Variants in CARMIL1 observed in about 807,000 individuals in gnomAD.
The protein encoded by CARMIL1 is capping protein regulator and myosin 1 linker 1, also known as F-actin-uncapping protein LRRC16A.
Under a neutral mutation model 177.1 loss-of-function variants are expected in CARMIL1, and 90 were observed. The ratio of observed to expected loss-of-function variants is 0.51; its 90% CI spans 0.43 to 0.61. The LOEUF is 0.61. CARMIL1 is among the 20% of genes least tolerant of loss of function. The pLI is 0.00. For missense variants in CARMIL1, 1,380 were observed against 1,667.0 expected, an observed-to-expected ratio of 0.83 and a Z score of 3.00; for synonymous variants, 577 against 606.2, an observed-to-expected ratio of 0.95 and a Z score of 0.71.
intron 16 of CARMIL1, among the ~76,000 whole-genome samples, chr6:25,496,573 A>G (rs186192): frequency 0.97 from 147,524 of 152,186 alleles, 71,671 homozygotes; most frequent in East Asian, 1. Flanking sequence ...AATATATTAG[A>G]GATCCCTAAA....
At chr6:25,316,280 G>A (rs1463168695) in intron 2 of CARMIL1, among the ~76,000 whole-genome samples, 3 of 152,144 alleles carry the variant, frequency 2.0e-5, no homozygotes, top group Non-Finnish European at 2.9e-5. Flanking sequence ...CACAGGCGCA[G>A]CACTCAGGTG....
chr6:25,527,499 G>A (rs1337052597), intron 23 of CARMIL1, among the ~76,000 whole-genome samples: 2 of 152,166 alleles, frequency 1.3e-5, no homozygotes, highest in African/African-American at 2.4e-5. Context: ...AAAGCAAAAG[G>A]ACCGGAAGCT....
chr6:25,606,196 C>T lies in CARMIL1; in HGVS notation c.3770C>T (p.Pro1257Leu), dbSNP rs1197887616. The T allele has an allele frequency of 1.9e-6, 3 of 1,613,960 alleles. No homozygotes were observed. Among genetic ancestry groups the T allele is most frequent in the Non-Finnish European group, 1.7e-6 (2 of 1,179,878 alleles). ...TCCAGCACACCTACGAGCCCGAAGC[C>T]CCTCCTGCAGTCCCCCAAACCCAGT... ...SSSSTPTSPK[P>L]LLQSPKPSLA... The change falls in exon 35 of 37, where the codon CCC becomes CTC. Residue 1257 changes from proline (P) to leucine (L), a missense_variant. By Grantham distance (98) the Pro-to-Leu change is moderately conservative (BLOSUM62 -3). Transcript: ENST00000329474.
At chr6:25,396,464 C>T (rs942868752) in intron 2 of CARMIL1, among the ~76,000 whole-genome samples, 1 of 150,560 alleles carries the variant, frequency 6.6e-6, no homozygotes, top group African/African-American at 2.4e-5. Flanking sequence ...TGGGTTCAAG[C>T]GATTCTCCTG....
intron 2 of CARMIL1, among the ~76,000 whole-genome samples, chr6:25,395,299 A>G (rs1370632137): frequency 6.6e-6 from 1 of 152,248 alleles, no homozygotes; most frequent in Non-Finnish European, 1.5e-5. Context: ...TGACATCATT[A>G]GTCAACATTG....
rs1248647992 is a variant in CARMIL1 at position 25,620,199 on chromosome 6, T to C, written c.*616T>C. On this transcript the variant is annotated 3_prime_UTR_variant, in exon 37 of 37. Coordinates refer to ENST00000329474, the MANE Select transcript of CARMIL1 (RefSeq NM_017640.6). ...TCCTTCCTGATGTGGAATTGTACAT[T>C]TAAAGCTTGGTCGGTGACCTTTGCA... 3 of 152,594 alleles carry C rather than the reference T, an allele frequency of 2.0e-5. No individual in the cohort carries two copies. Among genetic ancestry groups the C allele is most frequent in the Non-Finnish European group, 4.4e-5 (3 of 68,074 alleles). The allele number at this position is 152,594 out of a possible 1,614,324, so 9.5% of individuals were successfully genotyped here. A position where few individuals can be genotyped will look rare whatever the true frequency, so the allele number is the denominator to read the frequency against.
At chr6:25,378,319 C>T (rs1791197642) in intron 2 of CARMIL1, among the ~76,000 whole-genome samples, 1 of 152,222 alleles carries the variant, frequency 6.6e-6, no homozygotes, top group African/African-American at 2.4e-5. Context: ...TTAGCCTTTG[C>T]ATGGCCTTCA....
chr6:25,436,327 A>G (rs1797228121), intron 5 of CARMIL1, among the ~76,000 whole-genome samples: 1 of 152,206 alleles, frequency 6.6e-6, no homozygotes, highest in South Asian at 2.1e-4. Context: ...AACAGGATTC[A>G]CAGATGGCAG....
chr6:25,450,703 TG>T lies in CARMIL1; in HGVS notation c.607del (p.Asp203ThrfsTer5). 6.2e-7 allele frequency: 1 copy of T among 1,602,192 alleles called. No individual in the cohort carries two copies. The highest frequency in any genetic ancestry group is 8.5e-7 in the Non-Finnish European group (1 of 1,173,176). ...TGAATTTACAAGATTTTAGTCATCT[TG>T]ACCACAGGTAAGCTGCTTCCTTCCT... ...ELNLQDFSHL[D>X]HRDLIPIIAA... On this transcript the variant is annotated frameshift_variant, in exon 8 of 37. Coordinates refer to ENST00000329474, the MANE Select transcript of CARMIL1 (RefSeq NM_017640.6). LOFTEE classifies it high-confidence loss of function.
chr6:25,518,232 G>T (rs1029367484), intron 22 of CARMIL1, among the ~76,000 whole-genome samples: 4 of 152,294 alleles, frequency 2.6e-5, no homozygotes, highest in South Asian at 4.1e-4. Flanking sequence ...CTGACATGGT[G>T]TTGTGGTACA....
rs2150822130 is a variant in CARMIL1 at position 25,445,844 on chromosome 6, T to A, written c.372-4054T>A. Among the ~76,000 whole-genome samples the A allele has an allele frequency of 2.0e-5, 3 of 152,298 alleles. No homozygotes were observed. The East Asian group carries it at 5.8e-4, about 29-fold the overall frequency. Reference sequence around the variant, plus strand: ...CTTAATAAGACTTGAAAGTCAAACCTATTCCTGGATCCATGGGCTGCAGAA... The same window carrying A: ...CTTAATAAGACTTGAAAGTCAAACCAATTCCTGGATCCATGGGCTGCAGAA... On this transcript the variant is annotated intron_variant, in intron 5 of 36. Coordinates refer to ENST00000329474, the MANE Select transcript of CARMIL1 (RefSeq NM_017640.6).
chr6:25,529,941 T>TA (rs1440516540), intron 24 of CARMIL1, among the ~76,000 whole-genome samples: 1 of 151,818 alleles, frequency 6.6e-6, no homozygotes, highest in African/African-American at 2.4e-5. Flanking sequence ...TAGCTTATAA[T>TA]AAAAAAAGAC....
intron 2 of CARMIL1, among the ~76,000 whole-genome samples, chr6:25,300,722 G>T (rs1372176036): frequency 1.3e-5 from 2 of 152,182 alleles, no homozygotes; most frequent in Non-Finnish European, 2.9e-5. Context: ...AGAAACTCTG[G>T]CAGTGGAGCC....
chr6:25,579,846 A>T (rs954039670), intron 29 of CARMIL1, among the ~76,000 whole-genome samples: 1 of 152,212 alleles, frequency 6.6e-6, no homozygotes, highest in African/African-American at 2.4e-5. Flanking sequence ...TGCTTTAAAG[A>T]TCAGTATCAG....
chr6:25,338,607 G>A (rs1786549832), intron 2 of CARMIL1, among the ~76,000 whole-genome samples: 1 of 148,790 alleles, frequency 6.7e-6, no homozygotes. Context: ...TACACTTTTG[G>A]TAGTAGTTTT....
intron 2 of CARMIL1, among the ~76,000 whole-genome samples, chr6:25,321,553 CAAA>C (rs201750598): frequency 0.011 from 1,608 of 152,188 alleles, 32 homozygotes; most frequent in African/African-American, 0.037. Flanking sequence ...TATAAAATAA[CAAA>C]AATACCATCT....
intron 35 of CARMIL1, among the ~76,000 whole-genome samples, 168 bp downstream of exon 35, chr6:25,606,441 T>G (rs1815980333): frequency 1.3e-5 from 2 of 152,208 alleles, no homozygotes; most frequent in Non-Finnish European, 2.9e-5. Context: ...TGATGAGAGC[T>G]GACGGATTCT....
At chr6:25,533,527 T>G (rs971351386) in intron 24 of CARMIL1, among the ~76,000 whole-genome samples, 1 of 151,776 alleles carries the variant, frequency 6.6e-6, no homozygotes, top group Non-Finnish European at 1.5e-5. Flanking sequence ...CATTAATGGG[T>G]TTTTTTTGGC....
At chr6:25,538,623 GT>G (rs1808557736) in intron 25 of CARMIL1, among the ~76,000 whole-genome samples, 1 of 152,112 alleles carries the variant, frequency 6.6e-6, no homozygotes, top group South Asian at 2.1e-4. Flanking sequence ...TTTGTCCCTG[GT>G]TCCTGAACCA....
Sources: gnomAD v4.1 joint callset for allele counts (sites outside exome capture counted in the v4.1 genomes callset) on GRCh38, gnomAD v4.1.1 for gene constraint, MANE v1.5 for transcripts, NCBI Gene and HGNC (gene_info 2026-07-23, HGNC 2026-07-21) for gene names.